Variants in CAST observed in about 807,000 individuals in gnomAD.
CAST encodes the protein calpastatin.
CAST carries 76 observed loss-of-function variants against 119.6 expected under a neutral mutation model. That is an observed-to-expected ratio of 0.64 (90% CI 0.53 to 0.77). The LOEUF (loss-of-function observed/expected upper bound fraction) is 0.77, where lower values mean the gene tolerates loss of function less well. Among genes scored for constraint, CAST ranks in the 30% least tolerant of loss-of-function variants. The pLI is 0.00. For missense variants in CAST, 953 were observed against 946.5 expected (o/e 1.01, Z -0.09); for synonymous variants, 319 against 331.6 (o/e 0.96, Z 0.41).
Position 96,649,519 on chromosome 5 carries a change from T to G in CAST, c.61-26020T>G, listed in dbSNP as rs563289537. 2.0e-5 allele frequency among the ~76,000 whole-genome samples: 3 copies of G among 152,338 alleles called. No individual in the cohort carries two copies. In the East Asian group the frequency reaches 5.8e-4, roughly 29 times the overall value. ...GGGCCTGATTTCTAACTCTCTTTCA[T>G]TGATCTGCTCTCTGGCCCTCTGCCA... On this transcript the variant is annotated intron_variant, in intron 1 of 11. Coordinates refer to the CAST transcript ENST00000505143.
chr5:96,329,281 G>A, the CAST span, among the ~76,000 whole-genome samples: 42 of 152,336 alleles, frequency 2.8e-4, no homozygotes, highest in African/African-American at 9.4e-4. Context: ...ATTGGTGAAA[G>A]TTGTGAATTT....
the CAST span, among the ~76,000 whole-genome samples, chr5:96,099,086 T>C: frequency 6.6e-6 from 1 of 152,224 alleles, no homozygotes; most frequent in African/African-American, 2.4e-5. Context: ...TTTGTGGCAA[T>C]TGTGAATGAG....
At chr5:96,570,394 G>A (rs1209491214) in intron 1 of CAST, among the ~76,000 whole-genome samples, 1 of 152,170 alleles carries the variant, frequency 6.6e-6, no homozygotes, top group African/African-American at 2.4e-5. Flanking sequence ...CAAGGTAATG[G>A]AAAGAGTGGC....
At chr5:96,160,483 A>G in the CAST span, among the ~76,000 whole-genome samples, 1 of 152,174 alleles carries the variant, frequency 6.6e-6, no homozygotes, top group Non-Finnish European at 1.5e-5. Context: ...TTGTATGAAT[A>G]TACAACATTT....
intron 27 of CAST, among the ~76,000 whole-genome samples, chr5:96,766,733 C>A (rs75285346): frequency 0.015 from 2,308 of 152,316 alleles, 52 homozygotes; most frequent in African/African-American, 0.053. Flanking sequence ...CACCTCTTTC[C>A]TATTTAGTTT....
chr5:96,749,356 G>A (rs955332099), intron 19 of CAST, among the ~76,000 whole-genome samples: 1 of 152,080 alleles, frequency 6.6e-6, no homozygotes, highest in Non-Finnish European at 1.5e-5. Context: ...GAAGAGTTTA[G>A]CTGTTTTAGT....
intron 1 of CAST, among the ~76,000 whole-genome samples, chr5:96,673,956 G>T (rs1386614007): frequency 6.6e-6 from 1 of 152,188 alleles, no homozygotes; most frequent in African/African-American, 2.4e-5. Flanking sequence ...ATCCATGAGA[G>T]TGTTTCTTCT....
the CAST span, among the ~76,000 whole-genome samples, chr5:96,442,200 A>G: frequency 1.3e-5 from 2 of 152,224 alleles, no homozygotes; most frequent in East Asian, 3.8e-4. Context: ...TAAGTATTTG[A>G]GTCCTCTCTA....
At chr5:96,051,617 G>A in the CAST span, among the ~76,000 whole-genome samples, 1 of 152,108 alleles carries the variant, frequency 6.6e-6, no homozygotes. Flanking sequence ...TGGCAGAGGA[G>A]GGGGAGAGAA....
the CAST span, chr5:96,391,628 T>TGG: frequency 6.6e-6 from 1 of 152,184 alleles, no homozygotes; most frequent in African/African-American, 2.4e-5. Context: ...CAAAATCAAA[T>TGG]GCCTATTGGA....
At chr5:96,365,988 G>C in the CAST span, among the ~76,000 whole-genome samples, 80 of 152,096 alleles carry the variant, frequency 5.3e-4, no homozygotes, top group African/African-American at 1.8e-3. Flanking sequence ...TCCATGTTTA[G>C]TGCTTCCTTC....
the CAST span, among the ~76,000 whole-genome samples, chr5:96,315,866 A>T: frequency 1.3e-5 from 2 of 152,178 alleles, no homozygotes; most frequent in Non-Finnish European, 2.9e-5. Context: ...TGGAGTAGTC[A>T]CATGTAGGCA....
the CAST span, among the ~76,000 whole-genome samples, chr5:96,052,587 A>T: frequency 8.0e-3 from 1,214 of 152,348 alleles, 19 homozygotes; most frequent in African/African-American, 0.028. Context: ...ACTGGTGATT[A>T]TCAGTCTTTT....
chr5:96,202,400 A>G, the CAST span, among the ~76,000 whole-genome samples: 3 of 152,148 alleles, frequency 2.0e-5, no homozygotes, highest in Non-Finnish European at 2.9e-5. Flanking sequence ...GAATTATTCA[A>G]CATTATATAA....
At chr5:96,197,584 C>T in the CAST span, among the ~76,000 whole-genome samples, 2 of 152,150 alleles carry the variant, frequency 1.3e-5, no homozygotes. Context: ...CGTATGTTGA[C>T]ATGACTGTTG....
At chr5:96,066,541 A>G in the CAST span, among the ~76,000 whole-genome samples, 1 of 151,846 alleles carries the variant, frequency 6.6e-6, no homozygotes, top group Non-Finnish European at 1.5e-5. Context: ...ATCAGGTTTC[A>G]TATCTCTTAC....
chr5:96,416,322 A>G, the CAST span, among the ~76,000 whole-genome samples: 1 of 152,238 alleles, frequency 6.6e-6, no homozygotes, highest in African/African-American at 2.4e-5. Context: ...ATGTGATTTC[A>G]AATTCTGGCT....
At chr5:96,121,829 G>T in the CAST span, among the ~76,000 whole-genome samples, 1 of 152,050 alleles carries the variant, frequency 6.6e-6, no homozygotes, top group Non-Finnish European at 1.5e-5. Context: ...TAAGCAAGGT[G>T]CTTTGATCCC....
the CAST span, among the ~76,000 whole-genome samples, chr5:96,403,947 T>C: frequency 2.0e-5 from 3 of 152,196 alleles, no homozygotes; most frequent in African/African-American, 7.2e-5. Context: ...TTTCCAAAGG[T>C]GTGAAGGGAT....
Sources: gnomAD v4.1 joint callset for allele counts (sites outside exome capture counted in the v4.1 genomes callset) on GRCh38, gnomAD v4.1.1 for gene constraint, MANE v1.5 for transcripts, NCBI Gene and HGNC (gene_info 2026-07-23, HGNC 2026-07-21) for gene names.